The following FHOD3 variants were observed in gnomAD, a reference collection of about 807,000 sequenced individuals.
FHOD3 encodes FH1/FH2 domain-containing protein 3.
Under a neutral mutation model 173.0 loss-of-function variants are expected in FHOD3, and 90 were observed. The observed-to-expected ratio is 0.52, with a 90% CI of 0.44 to 0.62. The LOEUF (loss-of-function observed/expected upper bound fraction) is 0.62. Among genes scored for constraint, FHOD3 ranks in the 20% least tolerant of loss-of-function variants. The pLI, the probability that FHOD3 is intolerant of heterozygous loss-of-function variation, is 0.00. For missense variants in FHOD3, 1,945 were observed against 2,034.7 expected, an observed-to-expected ratio of 0.96 and a Z score of 0.85; for synonymous variants, 828 against 823.0, an observed-to-expected ratio of 1.01 and a Z score of -0.10.
At chr18:36,534,133 G>C (rs1011317084) in intron 5 of FHOD3, among the ~76,000 whole-genome samples, 1 of 152,168 alleles carries the variant, frequency 6.6e-6, no homozygotes, top group Non-Finnish European at 1.5e-5. Flanking sequence ...AATGTGGGAC[G>C]TGCAGCCAAC....
intron 15 of FHOD3, 73 bp from the exon 16 acceptor site, chr18:36,687,055 T>C: frequency 2.7e-6 from 3 of 1,118,612 alleles, no homozygotes; most frequent in East Asian, 2.5e-5. Context: ...GTTTATAATT[T>C]ATTGGTAATT....
intron 7 of FHOD3, among the ~76,000 whole-genome samples, chr18:36,596,321 A>ATTTTTTCTTT (rs2030381279): frequency 1.7e-5 from 1 of 57,482 alleles, no homozygotes; most frequent in Admixed American, 2.8e-4. Flanking sequence ...TGCCCAGCTA[A>ATTTTTTCTTT]TTTTTTTTTT....
intron 3 of FHOD3, among the ~76,000 whole-genome samples, chr18:36,389,367 C>T (rs1343888917): frequency 6.6e-6 from 1 of 152,226 alleles, no homozygotes; most frequent in Non-Finnish European, 1.5e-5. Flanking sequence ...ATTCCCATTG[C>T]TGGGCCTTTG....
intron 19 of FHOD3, among the ~76,000 whole-genome samples, chr18:36,728,092 A>G (rs958296420): frequency 6.6e-6 from 1 of 152,188 alleles, no homozygotes; most frequent in Non-Finnish European, 1.5e-5. Context: ...AATCAGGAAA[A>G]CAAAAGCCAG....
intron 7 of FHOD3, among the ~76,000 whole-genome samples, chr18:36,600,617 T>C (rs2031238927): frequency 6.6e-6 from 1 of 152,200 alleles, no homozygotes; most frequent in African/African-American, 2.4e-5. Context: ...AAACACGTTT[T>C]TCAGTTAAAT....
At chr18:36,381,678 T>C (rs139698625) in intron 3 of FHOD3, among the ~76,000 whole-genome samples, 80 of 152,130 alleles carry the variant, frequency 5.3e-4, no homozygotes, top group African/African-American at 1.8e-3. Context: ...GTATACTGTC[T>C]CACCCTCAGA....
intron 5 of FHOD3, among the ~76,000 whole-genome samples, chr18:36,518,153 C>T (rs1568375334): frequency 6.6e-6 from 1 of 152,174 alleles, no homozygotes; most frequent in African/African-American, 2.4e-5. Flanking sequence ...ACAGGGAAGG[C>T]ACCAAACTAG....
chr18:36,650,550 C>A (rs1228372822), intron 11 of FHOD3, among the ~76,000 whole-genome samples: 1 of 152,184 alleles, frequency 6.6e-6, no homozygotes, highest in Non-Finnish European at 1.5e-5. Context: ...GAGACCCTGC[C>A]GTGCTTAGAG....
At chr18:36,594,194 G>A (rs922980270) in intron 6 of FHOD3, among the ~76,000 whole-genome samples, 18 of 152,162 alleles carry the variant, frequency 1.2e-4, no homozygotes, top group African/African-American at 4.3e-4. Context: ...CTGCCTGTGT[G>A]AGGGAAGGCC....
chr18:36,732,698 G>C (rs2041430338), intron 20 of FHOD3, among the ~76,000 whole-genome samples: 1 of 152,210 alleles, frequency 6.6e-6, no homozygotes, highest in Admixed American at 6.5e-5. Context: ...GATACAGAGA[G>C]AGAGACTGAG....
At chr18:36,649,063 T>A (rs1254956291) in intron 10 of FHOD3, among the ~76,000 whole-genome samples, 1 of 152,092 alleles carries the variant, frequency 6.6e-6, no homozygotes, top group African/African-American at 2.4e-5. Flanking sequence ...ACAAAGAAAT[T>A]TGGCCTTTTC....
chr18:36,433,081 T>C (rs2050636278), intron 3 of FHOD3, among the ~76,000 whole-genome samples: 1 of 152,174 alleles, frequency 6.6e-6, no homozygotes. Flanking sequence ...CCTGATTAGG[T>C]CAGGCTCACC....
intron 3 of FHOD3, among the ~76,000 whole-genome samples, chr18:36,373,756 G>A (rs1280729682): frequency 6.6e-6 from 1 of 152,180 alleles, no homozygotes; most frequent in Non-Finnish European, 1.5e-5. Flanking sequence ...AGCCAATATT[G>A]ACTATTCTGC....
In FHOD3 at chr18:36,769,347, C is replaced by T. The variant is rs768787604; in HGVS notation, c.4707C>T (p.Ile1569=). 72 of 1,614,076 alleles carry T rather than the reference C, an allele frequency of 4.5e-5. No homozygotes were observed. Among genetic ancestry groups the T allele is most frequent in the South Asian group, 4.4e-5 (4 of 91,088 alleles). Residue 1569 remains isoleucine (I), a synonymous_variant, in exon 28 of 29, where the codon ATC becomes ATT. Coordinates refer to ENST00000590592, the MANE Select transcript of FHOD3 (RefSeq NM_001281740.3). The part of the protein sequence containing the change: ...DDAADEIMDR[I]VKSATQVPSQ... ...CAGCTGATGAGATCATGGACCGCAT[C>T]GTCAAGTCAGCCACCCAAGTGCCCA...
chr18:36,437,665 C>CTTTTTTTTT (rs1555704498), intron 3 of FHOD3, among the ~76,000 whole-genome samples: 1 of 69,466 alleles, frequency 1.4e-5, no homozygotes, highest in African/African-American at 4.5e-5. Context: ...TTCTTTCTTT[C>CTTTTTTTTT]TTTTTTTTTT....
At chr18:36,534,535 C>T (rs1026468183) in intron 5 of FHOD3, among the ~76,000 whole-genome samples, 10 of 151,590 alleles carry the variant, frequency 6.6e-5, no homozygotes, top group South Asian at 4.2e-4. Flanking sequence ...GAGATAGGGT[C>T]GCACTCTGTC....
chr18:36,485,907 G>A (rs188354934), intron 3 of FHOD3, among the ~76,000 whole-genome samples: 4 of 152,266 alleles, frequency 2.6e-5, no homozygotes, highest in African/African-American at 4.8e-5. Context: ...CCTCAGCCTG[G>A]AAAACTGCAC....
intron 19 of FHOD3, among the ~76,000 whole-genome samples, chr18:36,726,684 T>C (rs1466314344): frequency 6.6e-6 from 1 of 151,254 alleles, no homozygotes; most frequent in Non-Finnish European, 1.5e-5. Context: ...TTTTCTTTTC[T>C]TTTTTTTTGA....
intron 4 of FHOD3, among the ~76,000 whole-genome samples, chr18:36,504,363 C>T (rs1011013128): frequency 6.6e-6 from 1 of 152,146 alleles, no homozygotes; most frequent in Non-Finnish European, 1.5e-5. Flanking sequence ...CTCCGAATAC[C>T]ATTAAAAGTA....
Sources: allele counts gnomAD v4.1 joint callset (sites outside exome capture counted in the v4.1 genomes callset), GRCh38; gene constraint gnomAD v4.1.1; transcripts MANE v1.5; gene names NCBI Gene and HGNC (gene_info 2026-07-23, HGNC 2026-07-21).